The following NRG3 variants were observed in gnomAD, a reference collection of about 807,000 sequenced individuals.
NRG3 encodes the protein neuregulin 3, also known as pro-neuregulin-3, membrane-bound isoform.
Under a neutral mutation model 66.9 loss-of-function variants are expected in NRG3, and 31 were observed. The observed-to-expected ratio is 0.46, with a 90% CI of 0.35 to 0.63. NRG3 has a LOEUF of 0.63. Ranked by LOEUF, NRG3 falls within the 20% of genes least tolerant of loss-of-function variation. NRG3 has a pLI of 0.00. For synonymous variants in NRG3, 393 were observed against 359.4 expected (o/e 1.09, Z -1.06); for missense variants, 910 against 878.9 (o/e 1.04, Z -0.45).
chr10:82,466,863 G>A (rs1840727402), intron 2 of NRG3, among the ~76,000 whole-genome samples: 2 of 151,682 alleles, frequency 1.3e-5, no homozygotes, highest in South Asian at 4.2e-4. Flanking sequence ...AAGGGGAAGG[G>A]GAAGGGGTAT....
chr10:82,286,856 G>C (rs1258694146), intron 1 of NRG3, among the ~76,000 whole-genome samples: 1 of 152,128 alleles, frequency 6.6e-6, no homozygotes, highest in Admixed American at 6.5e-5. Context: ...AAAGTGCTGG[G>C]ATTACAGGCG....
chr10:82,189,089 T>C (rs1340660156), intron 1 of NRG3, among the ~76,000 whole-genome samples: 1 of 152,134 alleles, frequency 6.6e-6, no homozygotes, highest in East Asian at 1.9e-4. Context: ...GGTTTAATTT[T>C]ATATAAATAT....
intron 1 of NRG3, among the ~76,000 whole-genome samples, chr10:82,020,936 G>A (rs767097541): frequency 6.6e-6 from 1 of 152,072 alleles, no homozygotes; most frequent in African/African-American, 2.4e-5. Context: ...GTTTTCTGAA[G>A]GCAGTGTTCC....
At chr10:82,240,197 C>G (rs1417541244) in intron 1 of NRG3, among the ~76,000 whole-genome samples, 1 of 151,574 alleles carries the variant, frequency 6.6e-6, no homozygotes, top group Non-Finnish European at 1.5e-5. Context: ...AATTAATATA[C>G]CACTATCGAT....
intron 1 of NRG3, among the ~76,000 whole-genome samples, chr10:82,096,926 T>A (rs1483189919): frequency 6.6e-6 from 1 of 152,176 alleles, no homozygotes. Flanking sequence ...ATTATTTTCT[T>A]TGCACAGATT....
rs534121884 is a variant in NRG3, at chr10:82,108,272, C to G, written c.823+232109C>G. Among the ~76,000 whole-genome samples the G allele has an allele frequency of 2.3e-3, 348 of 152,294 alleles. 1 individual carries two copies. Among genetic ancestry groups the G allele is most frequent in the African/African-American group, 8.1e-3 (335 of 41,560 alleles). On this transcript the variant is annotated intron_variant, in intron 1 of 8. Transcript: ENST00000372141. ...CCAGGACACAGACAGGGGTATTTTG[C>G]AAGCTGTTACTGATCTATTTGCTAA...
At chr10:82,566,641 C>T (rs999375202) in intron 2 of NRG3, among the ~76,000 whole-genome samples, 8 of 151,752 alleles carry the variant, frequency 5.3e-5, no homozygotes, top group East Asian at 1.9e-4. Flanking sequence ...AATGCTCTGA[C>T]GAACTTAGAT....
chr10:82,347,759 G>C (rs1296198499), intron 1 of NRG3, among the ~76,000 whole-genome samples: 5 of 152,106 alleles, frequency 3.3e-5, no homozygotes, highest in Admixed American at 6.6e-5. Flanking sequence ...TCCTGTATTG[G>C]GTGCATATAT....
intron 1 of NRG3, among the ~76,000 whole-genome samples, chr10:82,328,366 A>C (rs187606905): frequency 6.6e-6 from 1 of 152,226 alleles, no homozygotes; most frequent in Non-Finnish European, 1.5e-5. Flanking sequence ...TTTTAAAATT[A>C]AATTAAAGTT....
At chr10:82,483,548 G>T (rs75145400) in intron 2 of NRG3, among the ~76,000 whole-genome samples, 4,745 of 152,296 alleles carry the variant, frequency 0.031, 96 homozygotes, top group Non-Finnish European at 0.046. Context: ...GATGTAGTAG[G>T]TGTTTCCCCT....
At chr10:82,982,193 A>G (rs1358516054) in intron 8 of NRG3, among the ~76,000 whole-genome samples, 2 of 152,212 alleles carry the variant, frequency 1.3e-5, no homozygotes, top group Admixed American at 6.5e-5. Flanking sequence ...TAGTCTGTTC[A>G]TTCATTTTCA....
intron 2 of NRG3, among the ~76,000 whole-genome samples, chr10:82,444,690 A>G (rs1385499900): frequency 6.6e-6 from 1 of 152,170 alleles, no homozygotes; most frequent in East Asian, 1.9e-4. Context: ...GAAAGCTCCA[A>G]GGCAAATTCA....
chr10:82,576,490 G>A (rs931602210), intron 2 of NRG3, among the ~76,000 whole-genome samples: 1 of 151,654 alleles, frequency 6.6e-6, no homozygotes, highest in African/African-American at 2.4e-5. Context: ...TTTAGTTTCT[G>A]CCCAGTGAAA....
At position 82,054,012 on chromosome 10, in the gene NRG3, A is replaced by C. The variant is rs566039390; in HGVS notation, c.823+177849A>C. Among the ~76,000 whole-genome samples, 12 of 152,316 alleles carry C rather than the reference A, an allele frequency of 7.9e-5. No homozygotes were observed. The South Asian group carries it at 2.5e-3, about 32-fold the overall frequency. On this transcript the variant is annotated intron_variant, in intron 1 of 8. Coordinates refer to ENST00000372141, the MANE Select transcript of NRG3 (RefSeq NM_001010848.4). ...TAACCTATTAGGAGCAAAGTAAGCA[A>C]AGGTTAGAGAATGGTAGGATATGAG...
chr10:82,856,761 A>C (rs1241386385), intron 3 of NRG3, among the ~76,000 whole-genome samples: 3 of 150,712 alleles, frequency 2.0e-5, no homozygotes, highest in Non-Finnish European at 3.0e-5. Flanking sequence ...AAAAACAAAA[A>C]AAAAAAAAAA....
chr10:82,388,604 C>G (rs2086160709), intron 2 of NRG3, among the ~76,000 whole-genome samples: 1 of 152,110 alleles, frequency 6.6e-6, no homozygotes, highest in Admixed American at 6.5e-5. Flanking sequence ...TAACAAACAT[C>G]CTGGCCTCTA....
At chr10:82,140,933 T>G (rs776009496) in intron 1 of NRG3, among the ~76,000 whole-genome samples, 24 of 152,238 alleles carry the variant, frequency 1.6e-4, no homozygotes, top group South Asian at 8.3e-4. Context: ...TGGGTGTACA[T>G]GAATGCAAAT....
At chr10:82,923,321 T>G (rs1846633446) in intron 4 of NRG3, among the ~76,000 whole-genome samples, 1 of 152,242 alleles carries the variant, frequency 6.6e-6, no homozygotes, top group African/African-American at 2.4e-5. Context: ...ACCTAATCTC[T>G]ACTCTCCTTT....
intron 2 of NRG3, among the ~76,000 whole-genome samples, chr10:82,575,651 C>T (rs1477835474): frequency 2.0e-5 from 3 of 151,646 alleles, no homozygotes; most frequent in Non-Finnish European, 4.4e-5. Context: ...AAAACGAACA[C>T]AAAACAAACA....
Sources: gnomAD v4.1 joint callset for allele counts (sites outside exome capture counted in the v4.1 genomes callset) on GRCh38, gnomAD v4.1.1 for gene constraint, MANE v1.5 for transcripts, NCBI Gene and HGNC (gene_info 2026-07-23, HGNC 2026-07-21) for gene names.